MED13L: variants seen among roughly 807,000 people sequenced by gnomAD.
MED13L encodes mediator of RNA polymerase II transcription subunit 13-like.
Under a neutral mutation model 220.9 loss-of-function variants are expected in MED13L, and 7 were observed. The observed-to-expected ratio is 0.03, with a 90% CI of 0.02 to 0.06. MED13L has a LOEUF of 0.06. Ranked by LOEUF, MED13L falls within the 10% of genes least tolerant of loss-of-function variation. The pLI is 1.00. For synonymous variants in MED13L, 1,011 were observed against 1,015.2 expected, an observed-to-expected ratio of 1.00 and a Z score of 0.08; for missense variants, 1,965 against 2,760.5, an observed-to-expected ratio of 0.71 and a Z score of 6.46.
intron 14 of MED13L, among the ~76,000 whole-genome samples, chr12:115,999,260 C>A (rs1476126642): frequency 6.6e-6 from 1 of 151,830 alleles, no homozygotes. Context: ...TAAATAAATA[C>A]AAAAATTAGC....
chr12:116,020,722 T>C (rs1467326988), intron 5 of MED13L, among the ~76,000 whole-genome samples: 1 of 152,176 alleles, frequency 6.6e-6, no homozygotes, highest in Non-Finnish European at 1.5e-5. Context: ...GACACAAAAA[T>C]ATAGTTAATA....
At chr12:115,989,872 T>C (rs1592922028) in intron 17 of MED13L, among the ~76,000 whole-genome samples, 2 of 152,164 alleles carry the variant, frequency 1.3e-5, no homozygotes, top group Non-Finnish European at 2.9e-5. Context: ...AACCTCCTTG[T>C]CTCCCCAAAT....
At chr12:116,027,420 A>G (rs576897865) in intron 4 of MED13L, among the ~76,000 whole-genome samples, 406 of 152,196 alleles carry the variant, frequency 2.7e-3, no homozygotes, top group African/African-American at 9.5e-3. Context: ...ACTCTGTCTC[A>G]AAACAAACAA....
intron 14 of MED13L, among the ~76,000 whole-genome samples, chr12:115,999,072 C>T (rs879635798): frequency 1.3e-5 from 2 of 152,128 alleles, no homozygotes; most frequent in Admixed American, 6.5e-5. Flanking sequence ...GGAACCAGAT[C>T]AGTAAGTTTT....
chr12:116,031,901 C>G (rs1880874401), intron 4 of MED13L, among the ~76,000 whole-genome samples: 1 of 151,570 alleles, frequency 6.6e-6, no homozygotes, highest in South Asian at 2.1e-4. Flanking sequence ...AATACATAGA[C>G]TAAGAGAACT....
At chr12:116,269,813 T>C (rs1214307534) in intron 1 of MED13L, among the ~76,000 whole-genome samples, 1 of 152,102 alleles carries the variant, frequency 6.6e-6, no homozygotes. Context: ...CCACAATTCA[T>C]CTAGAATGAG....
In MED13L at chr12:115,983,266, G is replaced by A. The variant is rs1335371365; in HGVS notation, c.4806C>T (p.Thr1602=). The A allele has an allele frequency of 6.2e-7, 1 of 1,614,206 alleles. No homozygotes were observed. Among genetic ancestry groups the A allele is most frequent in the Non-Finnish European group, 8.5e-7 (1 of 1,180,040 alleles). The change falls in exon 21 of 31, where the codon ACC becomes ACT. Residue 1602 remains threonine (T), a synonymous_variant. Coordinates refer to ENST00000281928, the MANE Select transcript of MED13L (RefSeq NM_015335.5). The part of the protein sequence containing the change: ...SAPGISQIST[T]SSSGFSGSVG... ...CACTACCACTGAATCCTGAAGAAGA[G>A]GTAGTGCTTATCTGGCTAATACCAG...
At chr12:116,041,905 A>C (rs999267838) in intron 4 of MED13L, among the ~76,000 whole-genome samples, 1 of 152,192 alleles carries the variant, frequency 6.6e-6, no homozygotes, top group Non-Finnish European at 1.5e-5. Flanking sequence ...ACTTAAAGCC[A>C]CCCAACATGA....
At chr12:116,105,371 ACATTTTATCATTCTGCG>A (rs1251479053) in intron 3 of MED13L, among the ~76,000 whole-genome samples, 1 of 152,230 alleles carries the variant, frequency 6.6e-6, no homozygotes, top group Non-Finnish European at 1.5e-5. Flanking sequence ...AGTAAAAACT[ACATTTTATCATTCTGCG>A]CATTTTATCA....
intron 2 of MED13L, among the ~76,000 whole-genome samples, chr12:116,233,110 A>G (rs1869736900): frequency 6.6e-6 from 1 of 150,820 alleles, no homozygotes; most frequent in Admixed American, 6.6e-5. Context: ...AAAAAAAAAA[A>G]GTAAGAAGTA....
intron 2 of MED13L, among the ~76,000 whole-genome samples, chr12:116,209,092 T>A (rs1882533051): frequency 1.3e-5 from 2 of 152,232 alleles, no homozygotes; most frequent in South Asian, 4.1e-4. Context: ...ATTTTATGCA[T>A]TTCAATTAAT....
At chr12:116,090,400 A>G (rs1399876983) in intron 4 of MED13L, among the ~76,000 whole-genome samples, 2 of 152,186 alleles carry the variant, frequency 1.3e-5, no homozygotes, top group Non-Finnish European at 2.9e-5. Context: ...AAAATTTTCC[A>G]ACTCTTGGGA....
rs1221238607 is a variant in MED13L at position 116,012,797 on chromosome 12, C to T, written c.1280G>A (p.Arg427Lys). Residue 427 changes from arginine to lysine, a missense_variant and splice_region_variant, in exon 9 of 31, where the codon AGG becomes AAG. Transcript: ENST00000281928. ...CTATTTTGCCTTTTTTATTACCTAC[C>T]TGGAACAAGAACAGCTGACTCTTTG... is the stretch of plus-strand genomic sequence containing the variant. ...PTQRVSCSCS[R>K]HKLLKRCAVG... is the part of the protein sequence containing the mutation. 3 of 1,608,934 alleles carry T rather than the reference C, an allele frequency of 1.9e-6. No homozygotes were observed. The highest frequency in any genetic ancestry group is 4.5e-5 in the East Asian group (2 of 44,852).
chr12:115,987,604 A>T (rs1195786668), intron 17 of MED13L, among the ~76,000 whole-genome samples: 1 of 152,184 alleles, frequency 6.6e-6, no homozygotes, highest in Non-Finnish European at 1.5e-5. Flanking sequence ...GTTTCCAAGG[A>T]TTTTCATAAG....
At chr12:116,266,367 A>G (rs1872830206) in intron 1 of MED13L, among the ~76,000 whole-genome samples, 1 of 152,346 alleles carries the variant, frequency 6.6e-6, no homozygotes, top group South Asian at 2.1e-4. Flanking sequence ...TAGTATCAGC[A>G]AAGAGAAAGC....
Position 116,019,686 on chromosome 12 carries a change from G to C in MED13L, c.820+92C>G, listed in dbSNP as rs973686242. The stretch of plus-strand genomic sequence containing the variant: ...GAATTTCTTTAAAAAGATGGGTATG[G>C]AGATTATTTCTGAAGAATCTAAATG... On this transcript the variant is annotated intron_variant, in intron 6 of 30. Coordinates refer to ENST00000281928, the MANE Select transcript of MED13L (RefSeq NM_015335.5). The C allele has an allele frequency of 1.1e-5, 15 of 1,423,312 alleles. 1 individual carries two copies. Among genetic ancestry groups the C allele is most frequent in the Admixed American group, 1.7e-5 (1 of 58,480 alleles). The allele number at this position is 1,423,312 out of a possible 1,614,324, so 88.2% of individuals were successfully genotyped here.
intron 16 of MED13L, among the ~76,000 whole-genome samples, chr12:115,994,978 G>A (rs529676021): frequency 6.6e-6 from 1 of 152,158 alleles, no homozygotes; most frequent in South Asian, 2.1e-4. Context: ...CACGTAAAAT[G>A]GTCATTTAAG....
At chr12:116,084,170 T>C (rs936299758) in intron 4 of MED13L, among the ~76,000 whole-genome samples, 1 of 152,226 alleles carries the variant, frequency 6.6e-6, no homozygotes, top group African/African-American at 2.4e-5. Flanking sequence ...CAATTTTTAC[T>C]GGGTATTTTT....
At chr12:115,975,850 T>C in intron 23 of MED13L, 112 bp from the exon 24 acceptor site, 1 of 909,424 alleles carries the variant, frequency 1.1e-6, no homozygotes, top group Non-Finnish European at 1.7e-6. Flanking sequence ...AGTAAATCGT[T>C]TCTCTCTCTC....
Sources: allele counts gnomAD v4.1 joint callset (sites outside exome capture counted in the v4.1 genomes callset), GRCh38; gene constraint gnomAD v4.1.1; transcripts MANE v1.5; gene names NCBI Gene and HGNC (gene_info 2026-07-23, HGNC 2026-07-21).